Variants in EDEM1 observed in about 807,000 individuals in gnomAD.
EDEM1 encodes ER degradation-enhancing alpha-mannosidase-like protein 1.
In EDEM1, 67 loss-of-function variants were observed where a neutral mutation model predicts 74.4. The ratio of observed to expected loss-of-function variants is 0.90; its 90% CI spans 0.74 to 1.10. EDEM1 has a LOEUF of 1.10. EDEM1 is among the 50% of genes least tolerant of loss of function. EDEM1 has a pLI of 0.00. For missense variants in EDEM1, 926 were observed against 851.6 expected, an observed-to-expected ratio of 1.09 and a Z score of -1.09; for synonymous variants, 382 against 335.9, an observed-to-expected ratio of 1.14 and a Z score of -1.50.
At chr3:5,215,701 T>G (rs1278671691) in intron 11 of EDEM1, 128 bp from the exon 12 acceptor site, 1 of 865,350 alleles carries the variant, frequency 1.2e-6, no homozygotes, top group African/African-American at 1.7e-5. Flanking sequence ...TACAGGCAGC[T>G]TCCACAACAG....
chr3:5,203,269 T>A, intron 5 of EDEM1, 120 bp downstream of exon 5: 1 of 1,048,924 alleles, frequency 9.5e-7, no homozygotes, highest in Non-Finnish European at 1.3e-6. Flanking sequence ...GCAAGAATTG[T>A]GTCAGCTCTA....
At chr3:5,210,296 AT>A (rs775045162) in intron 9 of EDEM1, 48 bp downstream of exon 9, 13 of 1,534,398 alleles carry the variant, frequency 8.5e-6, no homozygotes, top group African/African-American at 1.4e-5. Flanking sequence ...CTTTTAATTT[AT>A]TTCAAATTGT....
chr3:5,216,499 C>T lies in EDEM1; in HGVS notation c.*581C>T, dbSNP rs958478204. On this transcript the variant is annotated 3_prime_UTR_variant, in exon 12 of 12. Transcript: ENST00000256497. ...AAAGGGCCCATGGTTCATTTGGTAT[C>T]CCTATTTAATTGCATTGAAAATGTC... The T allele has an allele frequency of 6.6e-6, 1 of 152,120 alleles. No homozygotes were observed. The highest frequency in any genetic ancestry group is 2.4e-5 in the African/African-American group (1 of 41,408). The allele number at this position is 152,120 out of a possible 1,614,324, so 9.4% of individuals were successfully genotyped here.
intron 8 of EDEM1, among the ~76,000 whole-genome samples, chr3:5,208,572 C>G (rs2055128147): frequency 1.3e-5 from 2 of 152,056 alleles, no homozygotes; most frequent in African/African-American, 4.8e-5. Flanking sequence ...AGGTGTTTTC[C>G]AAATGTATGT....
intron 2 of EDEM1, among the ~76,000 whole-genome samples, chr3:5,197,027 C>G (rs1205657062): frequency 7.0e-6 from 1 of 143,824 alleles, no homozygotes; most frequent in Non-Finnish European, 1.5e-5. Flanking sequence ...CTCCTGGGTT[C>G]GAGTGATTCG....
intron 8 of EDEM1, 41 bp from the exon 9 acceptor site, chr3:5,210,134 C>T: frequency 6.4e-7 from 1 of 1,571,714 alleles, no homozygotes. Flanking sequence ...GGCATGTCTT[C>T]CAAGCCCATG....
chr3:5,210,805 A>G (rs2055158745), intron 9 of EDEM1, among the ~76,000 whole-genome samples: 2 of 152,048 alleles, frequency 1.3e-5, no homozygotes, highest in Non-Finnish European at 2.9e-5. Flanking sequence ...AAGTATTAGG[A>G]CTAGAAATTT....
At chr3:5,207,503 T>C (rs928867198) in intron 7 of EDEM1, among the ~76,000 whole-genome samples, 1 of 152,160 alleles carries the variant, frequency 6.6e-6, no homozygotes, top group Non-Finnish European at 1.5e-5. Flanking sequence ...GTGTGATTTT[T>C]GTTTTTGTTT....
Position 5,216,169 on chromosome 3 carries a change from G to A in EDEM1, c.*251G>A, listed in dbSNP as rs1466066947. The A allele has an allele frequency of 6.0e-6, 3 of 498,082 alleles. No homozygotes were observed. The highest frequency in any genetic ancestry group is 7.3e-5 in the East Asian group (2 of 27,416). The allele number at this position is 498,082 out of a possible 1,614,324, so 30.9% of individuals were successfully genotyped here. A position where few individuals can be genotyped will look rare whatever the true frequency, so the allele number is the denominator to read the frequency against. On this transcript the variant is annotated 3_prime_UTR_variant, in exon 12 of 12. Transcript: ENST00000256497. ...CATGGAAATTGCCCTCTTATGACAT[G>A]TTGATGTTATAAGCACAATAGATGG...
At position 5,211,126 on chromosome 3, in the gene EDEM1, G is replaced by C. The variant is rs1250969925; in HGVS notation, c.1590G>C (p.Gly530=). 1 of 1,614,066 alleles carries C rather than the reference G, an allele frequency of 6.2e-7. No homozygotes were observed. The highest frequency in any genetic ancestry group is 1.1e-5 in the South Asian group (1 of 91,080). ...CCAGATGATTGTTTTGTAGGTGTGG[G>C]TACGCCACGCTGCATCACGTCATTG... is the stretch of plus-strand genomic sequence containing the variant. The part of the protein sequence containing the change: ...SLEKYTKVKC[G]YATLHHVIDK... The change falls in exon 10 of 12, where the codon GGG becomes GGC. Residue 530 remains glycine, a synonymous_variant. Transcript: ENST00000256497.
rs545978175 is a variant in EDEM1 at position 5,207,657 on chromosome 3, C to T, written c.1338+384C>T. Among the ~76,000 whole-genome samples, 3 of 152,256 alleles carry T rather than the reference C, an allele frequency of 2.0e-5. No homozygotes were observed. The South Asian group carries it at 6.2e-4, about 32-fold the overall frequency. On this transcript the variant is annotated intron_variant, in intron 7 of 11. Coordinates refer to ENST00000256497, the MANE Select transcript of EDEM1 (RefSeq NM_014674.3). Reference sequence around the variant, plus strand: ...GGGTAGCTGGGATTACAGGCGCCTGCCACCACATCCGGCTAATTTTTTGTA... The same window carrying T: ...GGGTAGCTGGGATTACAGGCGCCTGTCACCACATCCGGCTAATTTTTTGTA...
At chr3:5,199,114 A>G (rs2055005065) in intron 2 of EDEM1, among the ~76,000 whole-genome samples, 1 of 152,262 alleles carries the variant, frequency 6.6e-6, no homozygotes, top group African/African-American at 2.4e-5. Context: ...CATCTGGATA[A>G]CAATCAACAA....
intron 5 of EDEM1, among the ~76,000 whole-genome samples, chr3:5,204,115 TAAA>T (rs2055066876): frequency 6.6e-6 from 1 of 152,256 alleles, no homozygotes; most frequent in African/African-American, 2.4e-5. Context: ...GCAATAGAAA[TAAA>T]GAAGTCACTC....
At chr3:5,203,817 C>G (rs1028942778) in intron 5 of EDEM1, among the ~76,000 whole-genome samples, 4 of 152,132 alleles carry the variant, frequency 2.6e-5, no homozygotes, top group African/African-American at 9.7e-5. Flanking sequence ...ACTGCGGCCT[C>G]CACTTGCCGG....
intron 1 of EDEM1, among the ~76,000 whole-genome samples, chr3:5,189,173 G>A (rs999363171): frequency 6.6e-6 from 1 of 152,174 alleles, no homozygotes; most frequent in African/African-American, 2.4e-5. Context: ...GGGAAGGAAT[G>A]TGCATTGCCA....
chr3:5,192,628 T>A (rs943787085), intron 1 of EDEM1, among the ~76,000 whole-genome samples: 1 of 152,206 alleles, frequency 6.6e-6, no homozygotes, highest in African/African-American at 2.4e-5. Flanking sequence ...AGGCTGGAGA[T>A]TGACAAGAAT....
At chr3:5,210,490 A>G (rs959588298) in intron 9 of EDEM1, among the ~76,000 whole-genome samples, 29 of 152,206 alleles carry the variant, frequency 1.9e-4, no homozygotes, top group African/African-American at 6.8e-4. Context: ...TCCCCTAGTT[A>G]TATAATAACA....
intron 1 of EDEM1, 27 bp from the exon 2 acceptor site, chr3:5,195,182 T>C: frequency 7.3e-7 from 1 of 1,360,726 alleles, no homozygotes; most frequent in Admixed American, 2.5e-5. Context: ...TAAAGTCTTT[T>C]TGTTGAATTT....
At position 5,211,107 on chromosome 3, in the gene EDEM1, G is replaced by A. The variant is rs769811022; in HGVS notation, c.1584-13G>A. 1.9e-6 allele frequency: 3 copies of A among 1,613,696 alleles called. No individual in the cohort carries two copies. Among genetic ancestry groups the A allele is most frequent in the Non-Finnish European group, 1.7e-6 (2 of 1,179,830 alleles). On this transcript the variant is annotated splice_polypyrimidine_tract_variant and intron_variant, in intron 9 of 11. Transcript: ENST00000256497. ...GGAAGAGAGGCAGGACTGACCAGAT[G>A]ATTGTTTTGTAGGTGTGGGTACGCC...
Sources: allele counts gnomAD v4.1 joint callset (sites outside exome capture counted in the v4.1 genomes callset), GRCh38; gene constraint gnomAD v4.1.1; transcripts MANE v1.5; gene names NCBI Gene and HGNC (gene_info 2026-07-23, HGNC 2026-07-21).